The following ANXA4 variants were observed in gnomAD, a reference collection of about 807,000 sequenced individuals.
ANXA4 encodes the protein annexin A4, also known as 35-beta calcimedin.
In ANXA4, 39 loss-of-function variants were observed where a neutral mutation model predicts 49.8. The observed-to-expected ratio is 0.78, with a 90% confidence interval of 0.61 to 1.02. The LOEUF (loss-of-function observed/expected upper bound fraction) is 1.02, where lower values mean the gene tolerates loss of function less well. ANXA4 is among the 50% of genes least tolerant of loss of function. The probability of loss-of-function intolerance (pLI) is 0.00; values close to 1 mark genes in which losing one functional copy is unlikely to be tolerated. For synonymous variants in ANXA4, 134 were observed against 152.5 expected (o/e 0.88, Z 0.89); for missense variants, 360 against 410.1 (o/e 0.88, Z 1.05).
At chr2:69,753,838 G>A (rs1019559086) in intron 1 of ANXA4, among the ~76,000 whole-genome samples, 2 of 152,226 alleles carry the variant, frequency 1.3e-5, no homozygotes, top group African/African-American at 2.4e-5. Context: ...TGTAGTGGAG[G>A]TTGACATTAT....
intron 3 of ANXA4, among the ~76,000 whole-genome samples, chr2:69,730,400 G>A (rs1298113210): frequency 6.6e-6 from 1 of 152,188 alleles, no homozygotes. Flanking sequence ...TATTTGGGAG[G>A]TTGAGGCAGG....
chr2:69,661,192 G>T (rs1227581163), intron 2 of ANXA4, among the ~76,000 whole-genome samples: 1 of 139,978 alleles, frequency 7.1e-6, no homozygotes, highest in Non-Finnish European at 1.5e-5. Context: ...CATACTTGAA[G>T]CATAAGATGA....
At chr2:69,680,188 C>T (rs1271197174) in intron 2 of ANXA4, among the ~76,000 whole-genome samples, 1 of 152,136 alleles carries the variant, frequency 6.6e-6, no homozygotes, top group East Asian at 1.9e-4. Context: ...CTTTCATCAG[C>T]ATTTTGTAGT....
chr2:69,781,660 A>T, intron 2 of ANXA4, 86 bp downstream of exon 2: 9 of 1,458,940 alleles, frequency 6.2e-6, no homozygotes, highest in African/African-American at 1.4e-5. Context: ...GCTTAAACAA[A>T]GCATTGTTTA....
At chr2:69,800,465 T>A (rs1418856652) in intron 3 of ANXA4, among the ~76,000 whole-genome samples, 1 of 152,202 alleles carries the variant, frequency 6.6e-6, no homozygotes, top group Non-Finnish European at 1.5e-5. Context: ...CCCTAGTTCT[T>A]GTGTTCAAAT....
intron 12 of ANXA4, among the ~76,000 whole-genome samples, chr2:69,824,568 T>G (rs1674384264): frequency 6.7e-6 from 1 of 149,842 alleles, no homozygotes; most frequent in African/African-American, 2.4e-5. Context: ...TTTATGAAAA[T>G]TTATCCAGAA....
At chr2:69,664,724 C>T (rs77480980) in intron 2 of ANXA4, among the ~76,000 whole-genome samples, 9,763 of 152,220 alleles carry the variant, frequency 0.064, 1,027 homozygotes, top group East Asian at 0.36. Context: ...TACCCCCTAC[C>T]TCAATCAAGA....
In ANXA4 at chr2:69,810,636, C is replaced by G. The variant is rs867591932; in HGVS notation, c.440C>G (p.Ser147Trp). The G allele has an allele frequency of 1.2e-6, 2 of 1,614,094 alleles. No individual in the cohort carries two copies. Among genetic ancestry groups the G allele is most frequent in the Non-Finnish European group, 1.7e-6 (2 of 1,180,002 alleles). ...GAAGATGACATTCGCTCTGACACAT[C>G]GTTCATGTTCCAGCGAGTGCTGGTG... ...SLEDDIRSDT[S>W]FMFQRVLVSL... The change falls in exon 7 of 13, where the codon TCG becomes TGG. Residue 147 changes from serine (S) to tryptophan (W), a missense_variant. Coordinates refer to ENST00000394295, the MANE Select transcript of ANXA4 (RefSeq NM_001153.5).
chr2:69,758,422 G>C (rs1292397314), intron 1 of ANXA4, among the ~76,000 whole-genome samples: 1 of 152,202 alleles, frequency 6.6e-6, no homozygotes, highest in Non-Finnish European at 1.5e-5. Context: ...CTTGAGACCA[G>C]CCTGCTGGGC....
intron 12 of ANXA4, 36 bp downstream of exon 12, chr2:69,820,857 C>A: frequency 1.2e-6 from 2 of 1,607,054 alleles, no homozygotes; most frequent in African/African-American, 1.3e-5. Context: ...AGTAAAGGAT[C>A]CAGAAAAGGA....
At chr2:69,748,675 T>G (rs1670719198) in intron 1 of ANXA4, among the ~76,000 whole-genome samples, 1 of 151,514 alleles carries the variant, frequency 6.6e-6, no homozygotes, top group African/African-American at 2.4e-5. Flanking sequence ...TTACTTAATA[T>G]TCCAGTGGGG....
intron 2 of ANXA4, among the ~76,000 whole-genome samples, chr2:69,689,239 C>G (rs1677885732): frequency 6.6e-6 from 1 of 151,950 alleles, no homozygotes. Context: ...TAGGCACATA[C>G]CACCATATCT....
chr2:69,691,002 G>A (rs1573106910), intron 2 of ANXA4, among the ~76,000 whole-genome samples: 1 of 152,160 alleles, frequency 6.6e-6, no homozygotes, highest in African/African-American at 2.4e-5. Context: ...AGAGATGAAG[G>A]CTGTGGCAAC....
chr2:69,814,034 AG>A (rs747739122), intron 8 of ANXA4, among the ~76,000 whole-genome samples: 1 of 152,174 alleles, frequency 6.6e-6, no homozygotes, highest in Non-Finnish European at 1.5e-5. Context: ...CCGGGATTAC[AG>A]GCATGAGCCA....
intron 2 of ANXA4, among the ~76,000 whole-genome samples, chr2:69,668,664 C>G (rs1325687376): frequency 6.6e-6 from 1 of 152,132 alleles, no homozygotes. Flanking sequence ...TTAGGTTTCA[C>G]TGAGTGATAT....
chr2:69,779,346 TG>T (rs1361789765), intron 1 of ANXA4, among the ~76,000 whole-genome samples: 2 of 152,174 alleles, frequency 1.3e-5, no homozygotes, highest in South Asian at 2.1e-4. Context: ...GCAGGTTCAT[TG>T]TCTTATCCAC....
chr2:69,762,624 C>T (rs938508876), intron 1 of ANXA4, among the ~76,000 whole-genome samples: 1 of 152,100 alleles, frequency 6.6e-6, no homozygotes. Context: ...AAATATAACT[C>T]CTAGCATGGA....
chr2:69,740,855 G>GTTTTTTTT (rs10718417), upstream of ANXA4, among the ~76,000 whole-genome samples: 2 of 98,370 alleles, frequency 2.0e-5, no homozygotes, highest in Non-Finnish European at 3.9e-5. Flanking sequence ...CTATATATAT[G>GTTTTTTTT]TTTTTTTTTT....
At chr2:69,825,066 C>CAAAA (rs10565929) in intron 12 of ANXA4, among the ~76,000 whole-genome samples, 4 of 52,876 alleles carry the variant, frequency 7.6e-5, no homozygotes, top group African/African-American at 1.9e-4. Context: ...GACTCTGTCT[C>CAAAA]AAAAAAAAAA....
Sources: gnomAD v4.1 joint callset for allele counts (sites outside exome capture counted in the v4.1 genomes callset) on GRCh38, gnomAD v4.1.1 for gene constraint, MANE v1.5 for transcripts, NCBI Gene and HGNC (gene_info 2026-07-23, HGNC 2026-07-21) for gene names.